CSMD1: variants seen among roughly 807,000 people sequenced by gnomAD.
The protein encoded by CSMD1 is CUB and sushi domain-containing protein 1.
CSMD1 carries 213 observed loss-of-function variants against 417.5 expected under a neutral mutation model. The observed-to-expected ratio is 0.51, with a 90% CI of 0.46 to 0.57. The LOEUF (loss-of-function observed/expected upper bound fraction) is 0.57. CSMD1 is among the 20% of genes least tolerant of loss of function. CSMD1 has a pLI of 0.00. For missense variants in CSMD1, 6,923 were observed against 4,529.7 expected (o/e 1.53, Z -15.17); for synonymous variants, 2,862 against 1,736.8 (o/e 1.65, Z -16.11).
intron 3 of CSMD1, among the ~76,000 whole-genome samples, chr8:4,070,383 A>T (rs1348738583): frequency 6.6e-6 from 1 of 152,134 alleles, no homozygotes; most frequent in East Asian, 1.9e-4. Context: ...TTTGAGACAG[A>T]GTCTCGCTGT....
At chr8:3,339,059 C>T (rs1807470064) in intron 23 of CSMD1, among the ~76,000 whole-genome samples, 1 of 141,422 alleles carries the variant, frequency 7.1e-6, no homozygotes, top group Non-Finnish European at 1.5e-5. Context: ...TTGTTCAATT[C>T]CCACCTATGA....
At chr8:3,212,671 C>G (rs931929999) in intron 30 of CSMD1, among the ~76,000 whole-genome samples, 1 of 151,838 alleles carries the variant, frequency 6.6e-6, no homozygotes, top group Non-Finnish European at 1.5e-5. Flanking sequence ...TTACTCTGTG[C>G]CAGTCTCTAC....
At position 3,106,515 on chromosome 8, in the gene CSMD1, G is replaced by C. The variant is rs577494742; in HGVS notation, c.6949+13C>G. Reference sequence around the variant, plus strand: ...AATAAGTTTATGTAGTTTTAGTATCGAACAGTGCATACCTTCACATGTTGG... The same window carrying C: ...AATAAGTTTATGTAGTTTTAGTATCCAACAGTGCATACCTTCACATGTTGG... On this transcript the variant is annotated intron_variant, in intron 46 of 69. Transcript: ENST00000635120. The C allele has an allele frequency of 5.2e-6, 8 of 1,538,660 alleles. No individual in the cohort carries two copies. The highest frequency in any genetic ancestry group is 7.2e-6 in the Non-Finnish European group (8 of 1,114,944).
intron 5 of CSMD1, among the ~76,000 whole-genome samples, chr8:3,844,932 T>G (rs529697570): frequency 1.3e-5 from 2 of 152,330 alleles, no homozygotes; most frequent in Admixed American, 1.3e-4. Context: ...GCCATCAGAA[T>G]GCTTGATTTT....
intron 3 of CSMD1, among the ~76,000 whole-genome samples, chr8:4,340,713 T>A (rs1317976443): frequency 6.6e-6 from 1 of 152,024 alleles, no homozygotes; most frequent in Admixed American, 6.6e-5. Flanking sequence ...AAACAAAATA[T>A]CAGCACGTGG....
At chr8:3,237,010 C>T (rs1031698200) in intron 26 of CSMD1, among the ~76,000 whole-genome samples, 1 of 152,060 alleles carries the variant, frequency 6.6e-6, no homozygotes, top group Non-Finnish European at 1.5e-5. Flanking sequence ...CCATGCCAGT[C>T]AGCTTGAGCA....
intron 68 of CSMD1, among the ~76,000 whole-genome samples, chr8:2,945,692 G>T (rs1050489068): frequency 2.6e-5 from 4 of 151,990 alleles, no homozygotes; most frequent in African/African-American, 9.7e-5. Flanking sequence ...GCTACCCTCC[G>T]TTCCCTTCTC....
At chr8:4,405,565 G>A (rs1246517235) in intron 3 of CSMD1, among the ~76,000 whole-genome samples, 4 of 152,066 alleles carry the variant, frequency 2.6e-5, no homozygotes, top group African/African-American at 9.7e-5. Flanking sequence ...CATGGATTCA[G>A]AAATACACTA....
intron 5 of CSMD1, among the ~76,000 whole-genome samples, chr8:3,845,884 C>T (rs751073425): frequency 1.6e-4 from 24 of 151,582 alleles, no homozygotes; most frequent in Non-Finnish European, 2.9e-5. Context: ...CACAAACACA[C>T]ACGTTGTCCT....
chr8:4,182,531 A>G (rs912233943), intron 3 of CSMD1, among the ~76,000 whole-genome samples: 1 of 152,128 alleles, frequency 6.6e-6, no homozygotes, highest in Non-Finnish European at 1.5e-5. Context: ...TATATGCTCA[A>G]TCGATATTTG....
rs1263519476 is a variant in CSMD1 at position 3,308,508 on chromosome 8, A to AAG, written c.3632-7_3632-6dup. On this transcript the variant is annotated splice_region_variant and splice_polypyrimidine_tract_variant and intron_variant, in intron 23 of 69. Transcript: ENST00000635120. The stretch of plus-strand genomic sequence containing the variant: ...CACATTTTACCAGATCAAAACCTGC[A>AAG]AGAGAGAAAGGCAAGGAATGAACAG... 1.9e-6 allele frequency: 3 copies of AAG among 1,606,048 alleles called. No individual in the cohort carries two copies. The African/African-American group carries it at 4.0e-5, about 21-fold the overall frequency.
intron 53 of CSMD1, among the ~76,000 whole-genome samples, chr8:2,999,110 T>C (rs1276928567): frequency 6.6e-6 from 1 of 152,024 alleles, no homozygotes; most frequent in Non-Finnish European, 1.5e-5. Flanking sequence ...CAGCTCAAGG[T>C]TGATCATTCA....
intron 3 of CSMD1, among the ~76,000 whole-genome samples, chr8:4,252,864 A>G (rs1417390372): frequency 1.3e-5 from 2 of 152,200 alleles, no homozygotes; most frequent in Non-Finnish European, 2.9e-5. Context: ...TGGGACCATG[A>G]GTGAAAGGCA....
chr8:4,655,375 C>G (rs760032347), intron 1 of CSMD1, among the ~76,000 whole-genome samples: 17 of 151,864 alleles, frequency 1.1e-4, no homozygotes, highest in Non-Finnish European at 1.3e-4. Flanking sequence ...TCCAGGAGAC[C>G]AAACAAAACT....
intron 6 of CSMD1, among the ~76,000 whole-genome samples, chr8:3,710,035 G>C (rs1333065148): frequency 6.6e-6 from 1 of 151,838 alleles, no homozygotes; most frequent in Non-Finnish European, 1.5e-5. Flanking sequence ...GCCCACTCTT[G>C]ACCAGATGCC....
intron 5 of CSMD1, among the ~76,000 whole-genome samples, chr8:3,954,570 T>C (rs1053303038): frequency 2.0e-5 from 3 of 152,220 alleles, no homozygotes; most frequent in Admixed American, 1.3e-4. Context: ...GGTTTCACCG[T>C]GTTGCTCAGG....
intron 4 of CSMD1, among the ~76,000 whole-genome samples, chr8:4,011,904 T>C (rs931293149): frequency 1.3e-5 from 2 of 152,146 alleles, no homozygotes; most frequent in Admixed American, 1.3e-4. Context: ...GGAATTTTAT[T>C]TGCATATAAC....
intron 7 of CSMD1, among the ~76,000 whole-genome samples, chr8:3,618,908 G>A (rs1802280387): frequency 2.0e-5 from 3 of 152,166 alleles, no homozygotes; most frequent in South Asian, 2.1e-4. Context: ...CTGGCAGCAC[G>A]ATGGTCGCTC....
chr8:4,729,894 G>A (rs1322749002), intron 1 of CSMD1, among the ~76,000 whole-genome samples: 1 of 152,158 alleles, frequency 6.6e-6, no homozygotes, highest in Non-Finnish European at 1.5e-5. Flanking sequence ...AACCTCATCT[G>A]AAACTTCAGC....
Sources: gnomAD v4.1 joint callset for allele counts (sites outside exome capture counted in the v4.1 genomes callset) on GRCh38, gnomAD v4.1.1 for gene constraint, MANE v1.5 for transcripts, NCBI Gene and HGNC (gene_info 2026-07-23, HGNC 2026-07-21) for gene names.